Variants in SLC4A9 observed in about 807,000 individuals in gnomAD.
SLC4A9 encodes the protein anion exchange protein 4.
In SLC4A9, 102 loss-of-function variants were observed where a neutral mutation model predicts 103.2. The observed-to-expected ratio is 0.99, with a 90% CI of 0.84 to 1.17. The LOEUF is 1.17. Ranked by LOEUF, SLC4A9 falls within the 50% of genes most tolerant of loss-of-function variation. SLC4A9 has a pLI of 0.00. For synonymous variants in SLC4A9, 453 were observed against 483.6 expected (o/e 0.94, Z 0.83); for missense variants, 1,091 against 1,193.7 (o/e 0.91, Z 1.27).
In SLC4A9 at chr5:140,367,502, C is replaced by A. The variant is rs776182840; in HGVS notation, c.2096C>A (p.Ala699Asp). 1 of 1,605,458 alleles carries A rather than the reference C, an allele frequency of 6.2e-7. No individual in the cohort carries two copies. Among genetic ancestry groups the A allele is most frequent in the South Asian group, 1.1e-5 (1 of 89,426 alleles). Reference protein sequence around the residue: ...WWWSVAAALPALLLSILIFMD... With the variant: ...WWWSVAAALPDLLLSILIFMD... ...TGGAGTGTGGCAGCTGCCCTGCCTG[C>A]CCTGCTGCTGTCTATCCTCATCTTC... is the stretch of plus-strand genomic sequence containing the variant. The change falls in exon 15 of 22, where the codon GCC becomes GAC. Residue 699 changes from alanine to aspartate, a missense_variant. Coordinates refer to ENST00000506757, the MANE Select transcript of SLC4A9 (RefSeq NM_031467.3).
chr5:140,367,299 C>A, intron 14 of SLC4A9, 121 bp from the exon 15 acceptor site: 1 of 1,188,434 alleles, frequency 8.4e-7, no homozygotes, highest in Non-Finnish European at 1.2e-6. Context: ...CACACACAGC[C>A]CACTAGCATC....
Position 140,365,286 on chromosome 5 carries a change from T to G in SLC4A9, c.1652-234T>G, listed in dbSNP as rs548828667. Among the ~76,000 whole-genome samples the G allele has an allele frequency of 2.0e-5, 3 of 152,328 alleles. No individual in the cohort carries two copies. In the South Asian group the frequency reaches 6.2e-4, roughly 32 times the overall value. ...ATTCAGCCAACATTTGCTGAGCATCTACTGTGGCCAGGTCCAGTGCTTGGT... is the reference window on the plus strand; with the variant it reads ...ATTCAGCCAACATTTGCTGAGCATCGACTGTGGCCAGGTCCAGTGCTTGGT... On this transcript the variant is annotated intron_variant, in intron 11 of 21. Transcript: ENST00000506757.
At chr5:140,361,946 T>G in intron 4 of SLC4A9, 71 bp from the exon 5 acceptor site, 3 of 1,613,286 alleles carry the variant, frequency 1.9e-6, no homozygotes, top group Non-Finnish European at 2.5e-6. Flanking sequence ...CCACTGGATT[T>G]CTCATCATTT....
Position 140,367,516 on chromosome 5 carries a change from A to G in SLC4A9, c.2110A>G (p.Ile704Val), listed in dbSNP as rs1291260706. The change falls in exon 15 of 22, where the codon ATC becomes GTC. Residue 704 changes from isoleucine (I) to valine (V), a missense_variant. Ile to Val is a conservative substitution (Grantham distance 29). Coordinates refer to ENST00000506757, the MANE Select transcript of SLC4A9 (RefSeq NM_031467.3). ...TGCCCTGCCTGCCCTGCTGCTGTCT[A>G]TCCTCATCTTCATGGACCAACAGAT... ...AAALPALLLS[I>V]LIFMDQQITA... 3.1e-5 allele frequency: 49 copies of G among 1,604,708 alleles called. No individual in the cohort carries two copies. The highest frequency in any genetic ancestry group is 3.5e-5 in the Non-Finnish European group (41 of 1,175,964).
In SLC4A9 at chr5:140,360,519, G is replaced by A. The variant is rs1766909870; in HGVS notation, c.230+53G>A. 2.0e-6 allele frequency: 3 copies of A among 1,479,912 alleles called. No individual in the cohort carries two copies. The Admixed American group carries it at 5.9e-5, about 29-fold the overall frequency. 91.7% of individuals were successfully genotyped at this position (1,479,912 alleles called of 1,614,324 possible). ...GGATCCTTCCCCTTCCCCAGCTGGA[G>A]CCTCCTATATGTCCCCCAGCGCTTC... On this transcript the variant is annotated intron_variant, in intron 1 of 21. Transcript: ENST00000506757.
Position 140,364,514 on chromosome 5 carries a change from ATCT to A in SLC4A9, c.1543_1545del (p.Phe515del), listed in dbSNP as rs750836054. 6.2e-7 allele frequency: 1 copy of A among 1,611,382 alleles called. No homozygotes were observed. The highest frequency in any genetic ancestry group is 1.3e-5 in the African/African-American group (1 of 74,990). Reference sequence around the variant, plus strand: ...AGGTTTCTGTGCCCTCATCAGCCTCATCTTCATCTACGATGCTGTGGGCAAAAT... The same window carrying A: ...AGGTTTCTGTGCCCTCATCAGCCTCATCATCTACGATGCTGTGGGCAAAAT... On this transcript the variant is annotated inframe_deletion, in exon 11 of 22. Coordinates refer to ENST00000506757, the MANE Select transcript of SLC4A9 (RefSeq NM_031467.3).
At chr5:140,360,611 T>C in intron 1 of SLC4A9, 145 bp downstream of exon 1, 2 of 1,123,784 alleles carry the variant, frequency 1.8e-6, no homozygotes, top group Non-Finnish European at 2.5e-6. Context: ...TTACCTTCCA[T>C]GATGCCCAGC....
At chr5:140,368,695 GTAGTA>G (rs1191482521) in intron 17 of SLC4A9, 36 bp downstream of exon 17, 2 of 1,577,804 alleles carry the variant, frequency 1.3e-6, no homozygotes, top group Non-Finnish European at 1.7e-6. Flanking sequence ...CAGGGTCAGT[GTAGTA>G]ATAATAGGAG....
In SLC4A9 at chr5:140,367,416, C is replaced by T. The variant is rs1026431357; in HGVS notation, c.2014-4C>T. 9 of 1,611,528 alleles carry T rather than the reference C, an allele frequency of 5.6e-6. No individual in the cohort carries two copies. The highest frequency in any genetic ancestry group is 7.6e-6 in the Non-Finnish European group (9 of 1,179,064). ...CAACCTGTCCATGAAATGCCCTCCT[C>T]CAGCCCACACTCCCTGGGCGTGGCT... On this transcript the variant is annotated splice_region_variant and splice_polypyrimidine_tract_variant and intron_variant, in intron 14 of 21. Transcript: ENST00000506757.
chr5:140,365,071 T>A (rs1248994501), intron 11 of SLC4A9, among the ~76,000 whole-genome samples: 1 of 152,182 alleles, frequency 6.6e-6, no homozygotes, highest in East Asian at 1.9e-4. Flanking sequence ...ATATCACTGC[T>A]CTTCTGGGTG....
chr5:140,362,763 A>G, intron 6 of SLC4A9, 149 bp from the exon 7 acceptor site: 1 of 1,105,738 alleles, frequency 9.0e-7, no homozygotes. Context: ...ATAGATACCC[A>G]CTGAATGAAT....
intron 21 of SLC4A9, among the ~76,000 whole-genome samples, chr5:140,373,234 C>A (rs1768990361): frequency 1.3e-5 from 2 of 152,174 alleles, no homozygotes; most frequent in African/African-American, 4.8e-5. Flanking sequence ...GAACCACACT[C>A]CAGACTTGTG....
intron 13 of SLC4A9, 55 bp from the exon 14 acceptor site, chr5:140,366,096 G>A: frequency 2.5e-6 from 4 of 1,608,378 alleles, no homozygotes; most frequent in Admixed American, 3.4e-5. Flanking sequence ...GGGAAGTGGT[G>A]TGGAAAAAGA....
intron 10 of SLC4A9, 30 bp downstream of exon 10, chr5:140,364,217 T>G (rs1403339517): frequency 2.6e-6 from 4 of 1,565,726 alleles, no homozygotes; most frequent in Non-Finnish European, 3.5e-6. Flanking sequence ...CACCGGACCC[T>G]CACTAGTGCC....
intron 17 of SLC4A9, among the ~76,000 whole-genome samples, chr5:140,370,575 CA>C (rs1398873407): frequency 1.3e-5 from 2 of 152,102 alleles, no homozygotes; most frequent in African/African-American, 4.8e-5. Context: ...TTAAGAGTGC[CA>C]GGGGCTACTT....
chr5:140,361,000 C>A (rs1766996654), intron 2 of SLC4A9, 28 bp downstream of exon 2: 1 of 1,529,496 alleles, frequency 6.5e-7, no homozygotes, highest in South Asian at 1.2e-5. Context: ...GCAGGAAGGG[C>A]CTGGGTAGCC....
chr5:140,371,211 G>A (rs756021484), intron 18 of SLC4A9, 48 bp downstream of exon 18: 2 of 1,567,766 alleles, frequency 1.3e-6, no homozygotes, highest in Admixed American at 1.9e-5. Context: ...AGAATAAAAA[G>A]ACAAACAAAA....
In SLC4A9 at chr5:140,365,830, A is replaced by G. The variant is rs1041994264; in HGVS notation, c.1711-4A>G. 3.7e-6 allele frequency: 6 copies of G among 1,612,760 alleles called. No individual in the cohort carries two copies. The highest frequency in any genetic ancestry group is 3.4e-6 in the Non-Finnish European group (4 of 1,179,342). ...AACTCCACTCCTGACCCTCCTGTGT[A>G]CAGGACTTAGGCCTGATCAATGCAT... On this transcript the variant is annotated splice_region_variant and splice_polypyrimidine_tract_variant and intron_variant, in intron 12 of 21. Transcript: ENST00000506757.
chr5:140,367,324 G>C, intron 14 of SLC4A9, 96 bp from the exon 15 acceptor site: 2 of 1,414,752 alleles, frequency 1.4e-6, no homozygotes, highest in Non-Finnish European at 1.9e-6. Context: ...GACTTGGGGT[G>C]GGGGCAGGTT....
Sources: allele counts gnomAD v4.1 joint callset (sites outside exome capture counted in the v4.1 genomes callset), GRCh38; gene constraint gnomAD v4.1.1; transcripts MANE v1.5; gene names NCBI Gene and HGNC (gene_info 2026-07-23, HGNC 2026-07-21).